Variants in CYP2J2 observed in about 807,000 individuals in gnomAD.
CYP2J2 encodes cytochrome P450 2J2.
In CYP2J2, 41 loss-of-function variants were observed where a neutral mutation model predicts 48.8. That is an observed-to-expected ratio of 0.84 (90% CI 0.66 to 1.09). CYP2J2 has a LOEUF of 1.09. Ranked by LOEUF, CYP2J2 falls within the 50% of genes least tolerant of loss-of-function variation. The probability of loss-of-function intolerance (pLI) is 0.00; values close to 1 mark genes in which losing one functional copy is unlikely to be tolerated. For synonymous variants in CYP2J2, 221 were observed against 227.1 expected (o/e 0.97, Z 0.24); for missense variants, 644 against 617.3 (o/e 1.04, Z -0.46).
the CYP2J2 span, among the ~76,000 whole-genome samples, chr1:59,952,531 G>A: frequency 9.9e-5 from 15 of 152,044 alleles, no homozygotes; most frequent in African/African-American, 3.4e-4. Context: ...AGGCAGTGAG[G>A]GCAGCCGAAA....
At chr1:59,910,864 A>C (rs1644408240) in intron 4 of CYP2J2, among the ~76,000 whole-genome samples, 1 of 152,218 alleles carries the variant, frequency 6.6e-6, no homozygotes, top group East Asian at 1.9e-4. Flanking sequence ...TAGAGGGACA[A>C]AAATTGTGGT....
chr1:59,907,557 C>T (rs1289556472), intron 6 of CYP2J2, among the ~76,000 whole-genome samples: 10 of 152,186 alleles, frequency 6.6e-5, no homozygotes, highest in Admixed American at 6.5e-4. Flanking sequence ...TTCCCTCTTG[C>T]CTCTGAGCTT....
chr1:59,931,948 ATTGT>A, the CYP2J2 span, among the ~76,000 whole-genome samples: 1 of 152,162 alleles, frequency 6.6e-6, no homozygotes, highest in African/African-American at 2.4e-5. Context: ...ACATAGATAC[ATTGT>A]TTGACAACTA....
In CYP2J2 at chr1:59,922,772, G is replaced by C. The variant is rs1298189474; in HGVS notation, c.210+3765C>G. Among the ~76,000 whole-genome samples, 6 of 152,138 alleles carry C rather than the reference G, an allele frequency of 3.9e-5. No individual in the cohort carries two copies. The East Asian group carries it at 1.2e-3, about 29-fold the overall frequency. On this transcript the variant is annotated intron_variant, in intron 1 of 8. Transcript: ENST00000371204. ...GAAAAGTCTACTCTCTCTAGCCAAAGGACCAGGAAAAGGAAAACCCAACAG... is the reference window on the plus strand; with the variant it reads ...GAAAAGTCTACTCTCTCTAGCCAAACGACCAGGAAAAGGAAAACCCAACAG...
chr1:59,900,603 C>A lies in CYP2J2; in HGVS notation c.1330+362G>T, dbSNP rs555225708. ...GAGCTGAGATCATGGCATTGCATTC[C>A]AGCCTTGTGCAATAAGAGTGAAACT... On this transcript the variant is annotated intron_variant, in intron 8 of 8. Coordinates refer to ENST00000371204, the MANE Select transcript of CYP2J2 (RefSeq NM_000775.4). 3.9e-5 allele frequency among the ~76,000 whole-genome samples: 6 copies of A among 152,262 alleles called. No individual in the cohort carries two copies. The South Asian group carries it at 1.2e-3, about 32-fold the overall frequency.
chr1:59,958,662 C>G, the CYP2J2 span, among the ~76,000 whole-genome samples: 1 of 152,160 alleles, frequency 6.6e-6, no homozygotes, highest in East Asian at 1.9e-4. Flanking sequence ...CTCTTTTTTT[C>G]CACATGTCCT....
rs898637545 is a variant in CYP2J2, at chr1:59,893,980, G to A, written c.1331-151C>T. 6.0e-6 allele frequency: 4 copies of A among 672,098 alleles called. No individual in the cohort carries two copies. The Middle Eastern group carries it at 9.5e-4, about 160-fold the overall frequency. The allele number at this position is 672,098 out of a possible 1,614,324, so 41.6% of individuals were successfully genotyped here. Reference sequence around the variant, plus strand: ...TATGGCCAGCAGCTTATTTAAGTCTGATAACCACTTGGGTTCATCAATGCA... The same window carrying A: ...TATGGCCAGCAGCTTATTTAAGTCTAATAACCACTTGGGTTCATCAATGCA... On this transcript the variant is annotated intron_variant, in intron 8 of 8. Coordinates refer to ENST00000371204, the MANE Select transcript of CYP2J2 (RefSeq NM_000775.4).
At chr1:59,912,333 T>C (rs1363797871) in intron 2 of CYP2J2, 22 bp from the exon 3 acceptor site, 1 of 1,606,436 alleles carries the variant, frequency 6.2e-7, no homozygotes, top group African/African-American at 1.3e-5. Context: ...AAAGTCAACA[T>C]TACAGTATTC....
the CYP2J2 span, among the ~76,000 whole-genome samples, chr1:59,951,881 A>G: frequency 6.6e-6 from 1 of 152,014 alleles, no homozygotes; most frequent in South Asian, 2.1e-4. Flanking sequence ...TTTTGACCCT[A>G]TTGCCCTCTG....
chr1:59,922,457 ATTTG>A (rs1644525324), intron 1 of CYP2J2, among the ~76,000 whole-genome samples: 1 of 152,172 alleles, frequency 6.6e-6, no homozygotes, highest in Non-Finnish European at 1.5e-5. Context: ...ATTTAACTCC[ATTTG>A]TTTTACACCC....
chr1:59,935,028 A>ATATATATATATACATG, the CYP2J2 span, among the ~76,000 whole-genome samples: 2 of 107,508 alleles, frequency 1.9e-5, no homozygotes, highest in South Asian at 5.6e-4. Flanking sequence ...ATATATATAT[A>ATATATATATATACATG]TATATATATA....
At chr1:59,927,269 T>C (rs1644575471), upstream of CYP2J2, among the ~76,000 whole-genome samples, 1 of 152,226 alleles carries the variant, frequency 6.6e-6, no homozygotes, top group African/African-American at 2.4e-5. Context: ...AACGAGGTCC[T>C]GTATTTGAAA....
chr1:59,911,280 T>G (rs1644411580), intron 4 of CYP2J2, among the ~76,000 whole-genome samples: 1 of 151,588 alleles, frequency 6.6e-6, no homozygotes, highest in Non-Finnish European at 1.5e-5. Context: ...AATGGACGAG[T>G]TGGGGAAGGA....
chr1:59,903,997 G>A (rs1390069579), intron 7 of CYP2J2, among the ~76,000 whole-genome samples: 2 of 152,182 alleles, frequency 1.3e-5, no homozygotes, highest in Admixed American at 6.5e-5. Context: ...CATAATCATT[G>A]CTTAATACAT....
At chr1:59,899,475 G>A (rs1410590808) in intron 8 of CYP2J2, among the ~76,000 whole-genome samples, 1 of 152,164 alleles carries the variant, frequency 6.6e-6, no homozygotes, top group Non-Finnish European at 1.5e-5. Context: ...TTCCGTTTCT[G>A]CCCTTTCTGA....
At chr1:59,937,447 C>T in the CYP2J2 span, among the ~76,000 whole-genome samples, 12 of 151,772 alleles carry the variant, frequency 7.9e-5, no homozygotes, top group East Asian at 1.9e-4. Context: ...AAAGGAAAAT[C>T]GATATTTAAG....
chr1:59,893,766 A>C lies in CYP2J2; in HGVS notation c.1394T>G (p.Leu465Arg). 1 of 1,613,502 alleles carries C rather than the reference A, an allele frequency of 6.2e-7. No homozygotes were observed. The highest frequency in any genetic ancestry group is 8.5e-7 in the Non-Finnish European group (1 of 1,179,742). The change falls in exon 9 of 9, where the codon CTT becomes CGT. Residue 465 changes from leucine (L) to arginine (R), a missense_variant. Physicochemically the swap from Leu to Arg is moderately radical, Grantham distance 102 (BLOSUM62 -2). Transcript: ENST00000371204. The stretch of plus-strand genomic sequence containing the variant: ...GGGCCTGAAGGTAAATTTTTGCATA[A>C]GGGAAGTGAAGAAAATAAACAGCTC... The part of the protein sequence containing the change: ...RTELFIFFTS[L>R]MQKFTFRPPN...
the CYP2J2 span, among the ~76,000 whole-genome samples, chr1:59,960,218 A>C: frequency 2.6e-5 from 4 of 152,196 alleles, no homozygotes; most frequent in Non-Finnish European, 5.9e-5. Context: ...GCCAATAAGG[A>C]TGCATTATTA....
intron 8 of CYP2J2, among the ~76,000 whole-genome samples, chr1:59,896,328 G>GTA (rs59615950): frequency 0.065 from 9,486 of 146,754 alleles, 315 homozygotes; most frequent in Middle Eastern, 0.12. Flanking sequence ...TACACACCAA[G>GTA]TATATATATA....
Sources: gnomAD v4.1 joint callset for allele counts (sites outside exome capture counted in the v4.1 genomes callset) on GRCh38, gnomAD v4.1.1 for gene constraint, MANE v1.5 for transcripts, NCBI Gene and HGNC (gene_info 2026-07-23, HGNC 2026-07-21) for gene names.